Variants in PDE1C observed in about 807,000 individuals in gnomAD.
PDE1C encodes phosphodiesterase 1C.
PDE1C carries 62 observed loss-of-function variants against 93.1 expected under a neutral mutation model. The observed-to-expected ratio is 0.67, with a 90% CI of 0.54 to 0.82. PDE1C has a LOEUF of 0.82. Among genes scored for constraint, PDE1C ranks in the 40% least tolerant of loss-of-function variants. The pLI is 0.00. For missense variants in PDE1C, 742 were observed against 884.6 expected (o/e 0.84, Z 2.04); for synonymous variants, 325 against 310.1 (o/e 1.05, Z -0.50).
chr7:32,214,017 G>T (rs1806242559), intron 1 of PDE1C, among the ~76,000 whole-genome samples: 1 of 151,898 alleles, frequency 6.6e-6, no homozygotes, highest in South Asian at 2.1e-4. Context: ...TTATTAGAGG[G>T]TATAAAACAA....
intron 1 of PDE1C, among the ~76,000 whole-genome samples, chr7:32,329,542 A>G (rs1487350605): frequency 6.6e-6 from 1 of 152,218 alleles, no homozygotes; most frequent in East Asian, 1.9e-4. Context: ...CCACAGAGGT[A>G]TGGCAGCACT....
At chr7:31,926,180 T>C (rs1197441663) in intron 2 of PDE1C, among the ~76,000 whole-genome samples, 1 of 152,142 alleles carries the variant, frequency 6.6e-6, no homozygotes. Context: ...TATTGCCTGG[T>C]ATTCATGTAT....
At chr7:32,013,406 A>C (rs995763903) in intron 2 of PDE1C, among the ~76,000 whole-genome samples, 1 of 152,246 alleles carries the variant, frequency 6.6e-6, no homozygotes, top group African/African-American at 2.4e-5. Context: ...TACACTTGCC[A>C]GCAGTTTTGC....
At chr7:32,372,504 C>A (rs365617) in intron 1 of PDE1C, among the ~76,000 whole-genome samples, 136,879 of 152,206 alleles carry the variant, frequency 0.9, 62,546 homozygotes, top group East Asian at 1. Flanking sequence ...AGATCATAGA[C>A]CTAACTGTAA....
chr7:31,667,041 G>A, the PDE1C span, among the ~76,000 whole-genome samples: 21 of 152,188 alleles, frequency 1.4e-4, no homozygotes, highest in East Asian at 2.5e-3. Context: ...ACATGAAGTC[G>A]GGATGTGGGC....
chr7:32,396,188 T>C (rs1214749321), intron 1 of PDE1C, among the ~76,000 whole-genome samples: 4 of 152,094 alleles, frequency 2.6e-5, no homozygotes, highest in Non-Finnish European at 4.4e-5. Context: ...ATAATTAAAA[T>C]GGATATGTAG....
chr7:32,120,127 G>A (rs999497704), intron 3 of PDE1C, among the ~76,000 whole-genome samples: 12 of 152,294 alleles, frequency 7.9e-5, no homozygotes, highest in East Asian at 3.9e-4. Context: ...GTTAGACGGC[G>A]GCCAGAGCGC....
intron 1 of PDE1C, among the ~76,000 whole-genome samples, chr7:32,263,606 T>C (rs1173741871): frequency 2.6e-5 from 4 of 152,194 alleles, no homozygotes; most frequent in African/African-American, 4.8e-5. Context: ...ATGTCCTTTA[T>C]AGTATTTTTT....
At chr7:32,133,083 A>G (rs1800010376) in intron 3 of PDE1C, among the ~76,000 whole-genome samples, 1 of 152,186 alleles carries the variant, frequency 6.6e-6, no homozygotes, top group Non-Finnish European at 1.5e-5. Flanking sequence ...TTAAATAAAA[A>G]AGTTGAATAT....
intron 2 of PDE1C, among the ~76,000 whole-genome samples, chr7:32,206,504 A>C (rs1041788872): frequency 6.6e-6 from 1 of 152,184 alleles, no homozygotes; most frequent in Admixed American, 6.5e-5. Flanking sequence ...AAGGGACCCC[A>C]CAGCCAGCTG....
At chr7:31,966,700 T>G (rs536743944) in intron 2 of PDE1C, among the ~76,000 whole-genome samples, 1 of 152,298 alleles carries the variant, frequency 6.6e-6, no homozygotes, top group Non-Finnish European at 1.5e-5. Flanking sequence ...ATTGACCACA[T>G]AGTTGGAAGT....
At chr7:32,090,018 GTTT>G (rs1037640910) in intron 3 of PDE1C, among the ~76,000 whole-genome samples, 3 of 151,974 alleles carry the variant, frequency 2.0e-5, no homozygotes, top group African/African-American at 7.3e-5. Context: ...CTTTTATCTA[GTTT>G]TTATTTCTTG....
chr7:32,416,292 C>T (rs1424675768), intron 1 of PDE1C, among the ~76,000 whole-genome samples: 1 of 152,194 alleles, frequency 6.6e-6, no homozygotes, highest in Non-Finnish European at 1.5e-5. Context: ...GGGAATGCCC[C>T]GGACGTACAT....
At chr7:32,309,429 C>A (rs1251860792) in intron 1 of PDE1C, among the ~76,000 whole-genome samples, 1 of 152,138 alleles carries the variant, frequency 6.6e-6, no homozygotes, top group East Asian at 1.9e-4. Context: ...AGAAGAGCAA[C>A]TCCAAGACAC....
At chr7:31,652,565 G>A in the PDE1C span, 12 of 1,610,268 alleles carry the variant, frequency 7.5e-6, no homozygotes, top group East Asian at 6.7e-5. Flanking sequence ...ATTCAAATCT[G>A]CATCAATATA....
At chr7:32,181,521 A>G (rs1803420319) in intron 2 of PDE1C, among the ~76,000 whole-genome samples, 2 of 152,244 alleles carry the variant, frequency 1.3e-5, no homozygotes, top group South Asian at 4.1e-4. Context: ...ACCTACATGG[A>G]AACTGAACAA....
the PDE1C span, among the ~76,000 whole-genome samples, chr7:31,685,954 T>G: frequency 6.6e-6 from 1 of 152,180 alleles, no homozygotes; most frequent in East Asian, 1.9e-4. Flanking sequence ...AGTCAACCTC[T>G]TGGTGAGTTT....
In PDE1C at chr7:32,315,261, C is replaced by A. The variant is rs570682152; in HGVS notation, c.311-105722G>T. ...AATCAGATGTTGCAAACTGGCTTCC[C>A]TGGGATCAAATGCAGCCCAGGGATG... On this transcript the variant is annotated intron_variant, in intron 1 of 1. Coordinates refer to the PDE1C transcript ENST00000672256. Among the ~76,000 whole-genome samples, 32 of 151,956 alleles carry A rather than the reference C, an allele frequency of 2.1e-4. No homozygotes were observed. In the South Asian group the frequency reaches 6.5e-3, roughly 31 times the overall value.
At chr7:32,308,016 G>A (rs1319452539) in intron 1 of PDE1C, among the ~76,000 whole-genome samples, 4 of 152,182 alleles carry the variant, frequency 2.6e-5, no homozygotes, top group East Asian at 1.9e-4. Flanking sequence ...TGGAAAATCC[G>A]GTCACTCCCA....
Sources: allele counts gnomAD v4.1 joint callset (sites outside exome capture counted in the v4.1 genomes callset), GRCh38; gene constraint gnomAD v4.1.1; transcripts MANE v1.5; gene names NCBI Gene and HGNC (gene_info 2026-07-23, HGNC 2026-07-21).